TMEM132C: variants seen among roughly 807,000 people sequenced by gnomAD.
TMEM132C encodes transmembrane protein 132C.
TMEM132C carries 29 observed loss-of-function variants against 61.4 expected under a neutral mutation model. The observed-to-expected ratio is 0.47, with a 90% CI of 0.35 to 0.64. The LOEUF (loss-of-function observed/expected upper bound fraction) is 0.64. Ranked by LOEUF, TMEM132C falls within the 30% of genes least tolerant of loss-of-function variation. The pLI is 0.00. For synonymous variants in TMEM132C, 656 were observed against 633.1 expected, an observed-to-expected ratio of 1.04 and a Z score of -0.54; for missense variants, 1,408 against 1,476.9, an observed-to-expected ratio of 0.95 and a Z score of 0.76.
chr12:128,413,199 C>T (rs530052343), intron 1 of TMEM132C, among the ~76,000 whole-genome samples: 108 of 142,896 alleles, frequency 7.6e-4, no homozygotes, highest in African/African-American at 1.9e-3. Flanking sequence ...CTCGGGAGGC[C>T]GAGGCAGGAG....
Position 128,664,808 on chromosome 12 carries a change from G to T in TMEM132C, c.1306-4609G>T, listed in dbSNP as rs906598906. ...ATGTGTTCTTCTTGGTCCCGCGGGGGTTTAGGTGGGTCTCAGAAGACAGAA... is the reference window on the plus strand; with the variant it reads ...ATGTGTTCTTCTTGGTCCCGCGGGGTTTTAGGTGGGTCTCAGAAGACAGAA... On this transcript the variant is annotated intron_variant, in intron 4 of 8. Transcript: ENST00000435159. Among the ~76,000 whole-genome samples, 4 of 152,182 alleles carry T rather than the reference G, an allele frequency of 2.6e-5. No homozygotes were observed. The South Asian group carries it at 8.3e-4, about 31-fold the overall frequency.
intron 8 of TMEM132C, among the ~76,000 whole-genome samples, chr12:128,702,651 G>T (rs1295087998): frequency 2.0e-5 from 3 of 152,208 alleles, no homozygotes; most frequent in Admixed American, 2.0e-4. Flanking sequence ...CATTTGCACA[G>T]GTCCAACTTC....
intron 1 of TMEM132C, among the ~76,000 whole-genome samples, chr12:128,351,491 A>G (rs1873335720): frequency 6.6e-6 from 1 of 152,176 alleles, no homozygotes; most frequent in Admixed American, 6.5e-5. Flanking sequence ...TATTGCTATA[A>G]AGAAGTACCT....
chr12:128,682,222 C>T (rs1954641236), intron 5 of TMEM132C, among the ~76,000 whole-genome samples: 1 of 152,152 alleles, frequency 6.6e-6, no homozygotes, highest in Admixed American at 6.5e-5. Context: ...CAAGGGAAGA[C>T]CCCCAAAGAA....
At chr12:128,590,038 T>C (rs1459977692) in intron 3 of TMEM132C, among the ~76,000 whole-genome samples, 2 of 152,224 alleles carry the variant, frequency 1.3e-5, no homozygotes, top group Non-Finnish European at 1.5e-5. Flanking sequence ...AATGAACCAT[T>C]ATAACCCAAA....
chr12:128,469,116 G>A (rs60745926), intron 2 of TMEM132C, among the ~76,000 whole-genome samples: 10,988 of 152,048 alleles, frequency 0.072, 1,312 homozygotes, highest in African/African-American at 0.25. Context: ...CGATGTTTTC[G>A]TGACATGAGG....
chr12:128,653,893 T>C (rs1415284680), intron 4 of TMEM132C, among the ~76,000 whole-genome samples: 1 of 152,186 alleles, frequency 6.6e-6, no homozygotes, highest in Non-Finnish European at 1.5e-5. Context: ...GGGGCTTGGC[T>C]GTCCGGAGGC....
At chr12:128,473,982 A>T (rs182667467) in intron 2 of TMEM132C, among the ~76,000 whole-genome samples, 34 of 152,338 alleles carry the variant, frequency 2.2e-4, no homozygotes, top group Admixed American at 1.4e-3. Context: ...GTTATCTTGA[A>T]AATGCCTGAT....
At position 128,271,126 on chromosome 12, in the gene TMEM132C, G is replaced by C. The variant is rs927212120; in HGVS notation, c.85+3639G>C. ...AAAATTAGCTGGGCGTGGTGGCGGG[G>C]GCCTCTAATCCCAGCTACTCGGGAG... On this transcript the variant is annotated intron_variant, in intron 1 of 8. Transcript: ENST00000435159. Among the ~76,000 whole-genome samples, 5 of 151,632 alleles carry C rather than the reference G, an allele frequency of 3.3e-5. 1 individual carries two copies. The highest frequency in any genetic ancestry group is 1.2e-4 in the African/African-American group (5 of 41,296).
chr12:128,268,059 C>G (rs1870373446), intron 1 of TMEM132C, among the ~76,000 whole-genome samples: 1 of 152,168 alleles, frequency 6.6e-6, no homozygotes, highest in Admixed American at 6.5e-5. Context: ...ACCAGGGACC[C>G]CAGCTTGGCA....
chr12:128,596,608 C>G lies in TMEM132C; in HGVS notation c.1122-19544C>G, dbSNP rs557115242. On this transcript the variant is annotated intron_variant, in intron 3 of 8. Transcript: ENST00000435159. The stretch of plus-strand genomic sequence containing the variant: ...TCCTGGTACAGAGGCACCAGGGCTT[C>G]ACTGATCCCATGTCCTCTCCATCAC... Among the ~76,000 whole-genome samples, 151 of 146,682 alleles carry G rather than the reference C, an allele frequency of 1.0e-3. 1 individual carries two copies. Among genetic ancestry groups the G allele is most frequent in the African/African-American group, 3.6e-3 (143 of 39,262 alleles).
At chr12:128,665,032 C>T (rs558081297) in intron 4 of TMEM132C, among the ~76,000 whole-genome samples, 1 of 151,288 alleles carries the variant, frequency 6.6e-6, no homozygotes, top group East Asian at 1.9e-4. Context: ...CACACAGGAA[C>T]TCACACTCAT....
intron 1 of TMEM132C, among the ~76,000 whole-genome samples, chr12:128,356,749 A>G (rs892318257): frequency 8.5e-5 from 13 of 152,218 alleles, no homozygotes; most frequent in Admixed American, 1.3e-4. Context: ...CCGTGTATTA[A>G]TGTTGCAGCC....
intron 1 of TMEM132C, among the ~76,000 whole-genome samples, chr12:128,303,157 A>G (rs954235042): frequency 2.0e-5 from 3 of 152,202 alleles, no homozygotes; most frequent in Non-Finnish European, 4.4e-5. Flanking sequence ...GTTTCTCCTT[A>G]TGGGTGTTAA....
rs528053074 is a variant in TMEM132C, at chr12:128,426,265, C to T, written c.974+10645C>T. 2.8e-3 allele frequency among the ~76,000 whole-genome samples: 433 copies of T among 152,306 alleles called. 4 individuals carry two copies. The highest frequency in any genetic ancestry group is 0.01 in the African/African-American group (423 of 41,570). ...GCCGTTATAGCTTCATTTCAGGGAG[C>T]GAAGTTTTTTCTTACCTATTTGATA... On this transcript the variant is annotated intron_variant, in intron 2 of 8. Coordinates refer to ENST00000435159, the MANE Select transcript of TMEM132C (RefSeq NM_001136103.3).
chr12:128,589,455 C>G (rs1164509993), intron 3 of TMEM132C, among the ~76,000 whole-genome samples: 1 of 152,128 alleles, frequency 6.6e-6, no homozygotes, highest in Non-Finnish European at 1.5e-5. Flanking sequence ...GCACTGGCCT[C>G]TGTTCATCTT....
At chr12:128,267,630 T>G (rs1592990224) in intron 1 of TMEM132C, 143 bp downstream of exon 1, 1 of 675,708 alleles carries the variant, frequency 1.5e-6, no homozygotes, top group Non-Finnish European at 2.0e-6. Context: ...CCTCTGCGGG[T>G]GCCGAGCCGC....
chr12:128,289,290 G>GCA (rs374283318), intron 1 of TMEM132C, among the ~76,000 whole-genome samples: 1 of 152,050 alleles, frequency 6.6e-6, no homozygotes, highest in Non-Finnish European at 1.5e-5. Flanking sequence ...GCTCATGTGC[G>GCA]CACACACACA....
chr12:128,635,271 G>GC (rs760964841), intron 4 of TMEM132C, among the ~76,000 whole-genome samples: 4 of 152,156 alleles, frequency 2.6e-5, no homozygotes, highest in Admixed American at 6.5e-5. Context: ...TTCCTGCTGT[G>GC]CTCAAGTGCA....
Sources: allele counts gnomAD v4.1 joint callset (sites outside exome capture counted in the v4.1 genomes callset), GRCh38; gene constraint gnomAD v4.1.1; transcripts MANE v1.5; gene names NCBI Gene and HGNC (gene_info 2026-07-23, HGNC 2026-07-21).